The following TM4SF1 variants were observed in gnomAD, a reference collection of about 807,000 sequenced individuals.
TM4SF1 encodes transmembrane 4 L six family member 1.
TM4SF1 carries 20 observed loss-of-function variants against 24.5 expected under a neutral mutation model. That is an observed-to-expected ratio of 0.82 (90% CI 0.57 to 1.19). TM4SF1 has a LOEUF of 1.19. TM4SF1 is among the 50% of genes most tolerant of loss of function. TM4SF1 has a pLI of 0.00. For synonymous variants in TM4SF1, 107 were observed against 95.4 expected, an observed-to-expected ratio of 1.12 and a Z score of -0.71; for missense variants, 258 against 248.1, an observed-to-expected ratio of 1.04 and a Z score of -0.27.
At chr3:149,371,431 C>A (rs1576847738) in intron 4 of TM4SF1, 1 of 586,644 alleles carries the variant, frequency 1.7e-6, no homozygotes, top group Admixed American at 3.1e-5. Flanking sequence ...CTGAAGGGAG[C>A]GCTGTGTCTA....
intron 1 of TM4SF1, among the ~76,000 whole-genome samples, chr3:149,376,354 T>C (rs758283747): frequency 2.4e-4 from 37 of 152,212 alleles, no homozygotes; most frequent in Non-Finnish European, 4.7e-4. Flanking sequence ...CAAATAATCA[T>C]GTTAACATGA....
chr3:149,370,011 T>C (rs746119787), intron 4 of TM4SF1, 131 bp from the exon 5 acceptor site: 2 of 1,144,486 alleles, frequency 1.7e-6, no homozygotes, highest in Non-Finnish European at 2.5e-6. Flanking sequence ...AGGCCAACCA[T>C]ACTTAGGGCT....
At chr3:149,371,370 A>T (rs1027939146) in intron 4 of TM4SF1, 18 of 545,016 alleles carry the variant, frequency 3.3e-5, no homozygotes, top group African/African-American at 3.0e-4. Flanking sequence ...AAGAGCAGAC[A>T]TCACTTTTTT....
chr3:149,376,008 G>A (rs551682410), intron 1 of TM4SF1, among the ~76,000 whole-genome samples: 2 of 152,180 alleles, frequency 1.3e-5, no homozygotes, highest in Admixed American at 6.5e-5. Context: ...AACATGGGAG[G>A]AGTAAAATAA....
intron 3 of TM4SF1, among the ~76,000 whole-genome samples, chr3:149,372,646 C>T (rs750442066): frequency 1.6e-4 from 24 of 152,218 alleles, no homozygotes; most frequent in Middle Eastern, 3.4e-3. Flanking sequence ...TTTTCTGAGA[C>T]GGAGTCTGAC....
intron 1 of TM4SF1, among the ~76,000 whole-genome samples, chr3:149,376,768 C>T (rs1731964213): frequency 6.6e-6 from 1 of 152,040 alleles, no homozygotes; most frequent in Admixed American, 6.6e-5. Flanking sequence ...CAGGGAAATT[C>T]CTCTCACTTC....
At chr3:149,376,755 T>A (rs897887352) in intron 1 of TM4SF1, among the ~76,000 whole-genome samples, 2 of 152,210 alleles carry the variant, frequency 1.3e-5, no homozygotes, top group African/African-American at 4.8e-5. Context: ...GCTCCCAGGT[T>A]GGCAGGGAAA....
chr3:149,377,597 T>C lies in TM4SF1; in HGVS notation c.-50A>G, dbSNP rs775251059. The C allele has an allele frequency of 3.8e-6, 6 of 1,566,722 alleles. No homozygotes were observed. The highest frequency in any genetic ancestry group is 5.2e-6 in the Non-Finnish European group (6 of 1,155,584). On this transcript the variant is annotated 5_prime_UTR_variant, in exon 1 of 5. Coordinates refer to ENST00000305366, the MANE Select transcript of TM4SF1 (RefSeq NM_014220.3). ...CTTCTCTTTGTCTTCAGCTCAGTGA[T>C]ACCCCAAATTAGATGAAAGTGTGCC...
At position 149,377,633 on chromosome 3, in the gene TM4SF1, A is replaced by G. The variant is rs751366045; in HGVS notation, c.-86T>C. 21 of 1,527,276 alleles carry G rather than the reference A, an allele frequency of 1.4e-5. No individual in the cohort carries two copies. Among genetic ancestry groups the G allele is most frequent in the Non-Finnish European group, 1.8e-5 (21 of 1,138,532 alleles). 94.6% of individuals were successfully genotyped at this position (1,527,276 alleles called of 1,614,324 possible). ...AGATGAAAGTGTGCCCTTCTGGTGGAGAAAGCAAACACCACTCTCAGCCCA... is the reference window on the plus strand; with the variant it reads ...AGATGAAAGTGTGCCCTTCTGGTGGGGAAAGCAAACACCACTCTCAGCCCA... On this transcript the variant is annotated 5_prime_UTR_variant, in exon 1 of 5. Transcript: ENST00000305366.
intron 1 of TM4SF1, 28 bp from the exon 2 acceptor site, chr3:149,375,797 C>A: frequency 3.1e-6 from 5 of 1,611,032 alleles, no homozygotes; most frequent in South Asian, 1.1e-5. Flanking sequence ...AAAGTCAGGT[C>A]ATTGTCTTGC....
In TM4SF1 at chr3:149,377,393, C is replaced by A; in HGVS notation, c.155G>T (p.Gly52Val). Residue 52 changes from glycine (G) to valine (V), a missense_variant, in exon 1 of 5, where the codon GGC becomes GTC. Physicochemically the swap from Gly to Val is moderately radical, Grantham distance 109. Transcript: ENST00000305366. ...HLSRFVWFFS[G>V]IVGGGLLMLL... is the part of the protein sequence containing the mutation. ...TACCAGCAGGCCACCTCCTACGATG[C>A]CAGAAAAGAACCACACGAAGCGGCT... 1.2e-6 allele frequency: 2 copies of A among 1,613,936 alleles called. No individual in the cohort carries two copies. The highest frequency in any genetic ancestry group is 1.3e-5 in the African/African-American group (1 of 75,042).
intron 2 of TM4SF1, 21 bp downstream of exon 2, chr3:149,375,659 C>T (rs781569759): frequency 1.4e-5 from 23 of 1,614,034 alleles, no homozygotes; most frequent in Non-Finnish European, 1.9e-5. Context: ...TCATTTTCAC[C>T]ACCAGGGCAG....
rs4771 is a variant in TM4SF1, at chr3:149,375,451, A to G, written c.405T>C (p.Thr135=). ...AGAGAGTAATTACATACTGGCCCTC[A>G]GTGCTGGCAAAGGTGTAGTTCCACT... ...LGQWNYTFAS[T]EGQYLLDTST... is the part of the protein sequence containing the mutation. Residue 135 remains threonine (T), a synonymous_variant, in exon 3 of 5, where the codon ACT becomes ACC. Transcript: ENST00000305366. The G allele has an allele frequency of 0.87, 1,397,850 of 1,613,992 alleles. 606,236 individuals carry two copies. Among genetic ancestry groups the G allele is most frequent in the African/African-American group, 0.96 (71,668 of 74,990 alleles).
chr3:149,374,778 G>C (rs767587921), intron 3 of TM4SF1, among the ~76,000 whole-genome samples: 1 of 152,072 alleles, frequency 6.6e-6, no homozygotes, highest in Non-Finnish European at 1.5e-5. Context: ...CCTGGGCTTG[G>C]GTTAAATTCA....
At chr3:149,376,473 A>G (rs1218263765) in intron 1 of TM4SF1, among the ~76,000 whole-genome samples, 4 of 152,334 alleles carry the variant, frequency 2.6e-5, no homozygotes, top group African/African-American at 9.6e-5. Context: ...GTTCAAGACC[A>G]GCCTGGGCAA....
chr3:149,375,580 A>C lies in TM4SF1; in HGVS notation c.276T>G (p.Ser92=). 6.2e-7 allele frequency: 1 copy of C among 1,614,230 alleles called. No homozygotes were observed. Among genetic ancestry groups the C allele is most frequent in the Non-Finnish European group, 8.5e-7 (1 of 1,180,032 alleles). ...ENCGKRCAML[S]SVLAALIGIA... is the part of the protein sequence containing the mutation. ...TTCCAATGAGAGCAGCCAATACAGA[A>C]GAAAGCATCTAGGGAAAAGCAGACA... Residue 92 remains serine, a synonymous_variant, in exon 3 of 5, where the codon TCT becomes TCG. Transcript: ENST00000305366.
chr3:149,374,227 G>A (rs964819794), intron 3 of TM4SF1, among the ~76,000 whole-genome samples: 1 of 152,174 alleles, frequency 6.6e-6, no homozygotes, highest in Non-Finnish European at 1.5e-5. Context: ...GATGCAGAGA[G>A]CTCATTTCAC....
At chr3:149,370,073 C>A in intron 4 of TM4SF1, 193 bp from the exon 5 acceptor site, 1 of 577,542 alleles carries the variant, frequency 1.7e-6, no homozygotes, top group Non-Finnish European at 2.8e-6. Flanking sequence ...CCTTGTCTTC[C>A]ATGAGTAAAG....
rs1731775343 is a variant in TM4SF1 at position 149,369,756 on chromosome 3, C to G, written c.*110G>C. Reference sequence around the variant, plus strand: ...CTTTACAGGCGTTTGTAAAAGTAGACTGTGGGGAGTATGTTACACTAATAC... The same window carrying G: ...CTTTACAGGCGTTTGTAAAAGTAGAGTGTGGGGAGTATGTTACACTAATAC... On this transcript the variant is annotated 3_prime_UTR_variant, in exon 5 of 5. Coordinates refer to ENST00000305366, the MANE Select transcript of TM4SF1 (RefSeq NM_014220.3). 7.3e-7 allele frequency: 1 copy of G among 1,370,312 alleles called. No individual in the cohort carries two copies. Among genetic ancestry groups the G allele is most frequent in the African/African-American group, 1.5e-5 (1 of 67,678 alleles). The allele number at this position is 1,370,312 out of a possible 1,614,324, so 84.9% of individuals were successfully genotyped here. A position where few individuals can be genotyped will look rare whatever the true frequency, so the allele number is the denominator to read the frequency against.
Sources: gnomAD v4.1 joint callset for allele counts (sites outside exome capture counted in the v4.1 genomes callset) on GRCh38, gnomAD v4.1.1 for gene constraint, MANE v1.5 for transcripts, NCBI Gene and HGNC (gene_info 2026-07-23, HGNC 2026-07-21) for gene names.